Variants in GPALPP1 observed in about 807,000 individuals in gnomAD.
GPALPP1 encodes the protein GPALPP motifs-containing protein 1.
A neutral mutation model predicts 38.9 loss-of-function variants in GPALPP1; 30 were observed. The ratio of observed to expected loss-of-function variants is 0.77; its 90% CI spans 0.58 to 1.05. The LOEUF (loss-of-function observed/expected upper bound fraction) is 1.05, where lower values mean the gene tolerates loss of function less well. Ranked by LOEUF, GPALPP1 falls within the 50% of genes least tolerant of loss-of-function variation. The probability of loss-of-function intolerance (pLI) is 0.00; values close to 1 mark genes in which losing one functional copy is unlikely to be tolerated. For synonymous variants in GPALPP1, 120 were observed against 139.2 expected, an observed-to-expected ratio of 0.86 and a Z score of 0.97; for missense variants, 384 against 408.8, an observed-to-expected ratio of 0.94 and a Z score of 0.52.
chr13:45,016,229 G>A lies in GPALPP1; in HGVS notation c.705+633G>A, dbSNP rs138505788. 3.3e-4 allele frequency among the ~76,000 whole-genome samples: 50 copies of A among 152,180 alleles called. No individual in the cohort carries two copies. In the East Asian group the frequency reaches 7.2e-3, roughly 22 times the overall value. ...GCACTTTCCAAGGCCAAGGCAGGGC[G>A]GATCACCTGAAGTCAGGAGTTCGAG... On this transcript the variant is annotated intron_variant, in intron 6 of 7. Coordinates refer to ENST00000379151, the MANE Select transcript of GPALPP1 (RefSeq NM_018559.5).
At chr13:44,997,505 C>T (rs1032602450) in intron 1 of GPALPP1, among the ~76,000 whole-genome samples, 3 of 152,084 alleles carry the variant, frequency 2.0e-5, no homozygotes, top group Non-Finnish European at 4.4e-5. Flanking sequence ...CCTTCACCTC[C>T]ACTAATTTCA....
intron 7 of GPALPP1, among the ~76,000 whole-genome samples, chr13:45,026,075 T>C (rs576698692): frequency 6.6e-6 from 1 of 152,290 alleles, no homozygotes. Flanking sequence ...CAGCCTTGAT[T>C]ACCTATTTTT....
At chr13:45,006,428 G>A (rs1874108436) in intron 3 of GPALPP1, 125 bp downstream of exon 3, 2 of 529,310 alleles carry the variant, frequency 3.8e-6, no homozygotes, top group Non-Finnish European at 3.3e-6. Flanking sequence ...TTTTGAAATG[G>A]GTCATTCACC....
intron 7 of GPALPP1, among the ~76,000 whole-genome samples, chr13:45,024,514 G>T (rs1299902267): frequency 4.0e-5 from 6 of 151,692 alleles, no homozygotes; most frequent in Non-Finnish European, 7.4e-5. Flanking sequence ...AGCCAGGCTG[G>T]TCTTGAACTC....
chr13:45,019,042 TATATAA>T (rs1371216324), intron 6 of GPALPP1, among the ~76,000 whole-genome samples: 42 of 78,720 alleles, frequency 5.3e-4, no homozygotes, highest in Admixed American at 9.7e-4. Flanking sequence ...TACATAGAAA[TATATAA>T]ATATAAATAT....
In GPALPP1 at chr13:44,989,560, C is replaced by T. The variant is rs1872599455; in HGVS notation, c.-95C>T. 1.3e-6 allele frequency: 2 copies of T among 1,487,266 alleles called. No individual in the cohort carries two copies. Among genetic ancestry groups the T allele is most frequent in the African/African-American group, 1.4e-5 (1 of 72,098 alleles). The allele number at this position is 1,487,266 out of a possible 1,614,324, so 92.1% of individuals were successfully genotyped here. ...TACGTCATTTCTCGGCGCCGGGAAA[C>T]CTGCCATTCTTCGCTGCTGATCGCG... On this transcript the variant is annotated 5_prime_UTR_variant, in exon 1 of 8. Transcript: ENST00000379151.
chr13:45,007,879 TTTTTTA>T (rs1418056028), intron 3 of GPALPP1, among the ~76,000 whole-genome samples: 1 of 152,196 alleles, frequency 6.6e-6, no homozygotes, highest in Non-Finnish European at 1.5e-5. Flanking sequence ...CATTTTTTTA[TTTTTTA>T]TTTTTATCTT....
chr13:45,010,995 GAAAA>G lies in GPALPP1; in HGVS notation c.408+2122_408+2125del, dbSNP rs536975589. On this transcript the variant is annotated intron_variant, in intron 4 of 7. Transcript: ENST00000379151. Reference sequence around the variant, plus strand: ...GAGACCCTGTCTCAAAAAGAAAAAAGAAAAAAAAAGAAAAGGTCTTCTTATCTGA... The same window carrying G: ...GAGACCCTGTCTCAAAAAGAAAAAAGAAAAAGAAAAGGTCTTCTTATCTGA... 1.5e-4 allele frequency among the ~76,000 whole-genome samples: 23 copies of G among 149,712 alleles called. No homozygotes were observed. The East Asian group carries it at 2.5e-3, about 17-fold the overall frequency.
chr13:45,016,877 T>C (rs754822612), intron 6 of GPALPP1, among the ~76,000 whole-genome samples: 2 of 152,212 alleles, frequency 1.3e-5, no homozygotes, highest in Non-Finnish European at 2.9e-5. Flanking sequence ...ACTCCTGGGC[T>C]CAAGCAATCC....
chr13:44,993,952 T>C (rs919450605), intron 1 of GPALPP1, among the ~76,000 whole-genome samples: 1 of 151,760 alleles, frequency 6.6e-6, no homozygotes. Context: ...TTTAAGAAAC[T>C]TGGGTCAGGC....
chr13:45,028,565 A>C lies in GPALPP1; in HGVS notation c.*562A>C, dbSNP rs980684236. 2 of 152,988 alleles carry C rather than the reference A, an allele frequency of 1.3e-5. No individual in the cohort carries two copies. The highest frequency in any genetic ancestry group is 2.9e-5 in the Non-Finnish European group (2 of 68,800). 9.5% of individuals were successfully genotyped at this position (152,988 alleles called of 1,614,324 possible). ...GATCGCTTGAGCCCAGTAGTTTGAG[A>C]CCAGCCTGCTTAAGATGGTGAGACC... On this transcript the variant is annotated 3_prime_UTR_variant, in exon 8 of 8. Coordinates refer to ENST00000379151, the MANE Select transcript of GPALPP1 (RefSeq NM_018559.5).
At chr13:45,035,991 C>G (rs1425418277) in exon 8 of GPALPP1, 6 of 152,152 alleles carry the variant, frequency 3.9e-5, no homozygotes, top group African/African-American at 1.2e-4. Context: ...ATGGTGAAAC[C>G]CTGACTCTAA....
At chr13:45,003,705 G>C (rs1473333411) in intron 1 of GPALPP1, among the ~76,000 whole-genome samples, 1 of 152,136 alleles carries the variant, frequency 6.6e-6, no homozygotes, top group African/African-American at 2.4e-5. Flanking sequence ...GGACCTAGAA[G>C]ACCCTTACCA....
rs771742665 is a variant in GPALPP1 at position 45,015,426 on chromosome 13, T to C, written c.541-6T>C. 6.5e-7 allele frequency: 1 copy of C among 1,545,830 alleles called. No homozygotes were observed. The highest frequency in any genetic ancestry group is 2.1e-5 in the Admixed American group (1 of 46,552). ...TTCTATGCTGTGTTTTTTTTTTCTC[T>C]TAAAGGATTCATCTAAACCCATTGT... On this transcript the variant is annotated splice_region_variant and splice_polypyrimidine_tract_variant and intron_variant, in intron 5 of 7. Transcript: ENST00000379151.
chr13:45,032,858 G>A (rs1876268987), downstream of GPALPP1, among the ~76,000 whole-genome samples: 1 of 150,734 alleles, frequency 6.6e-6, no homozygotes, highest in Non-Finnish European at 1.5e-5. Flanking sequence ...GCAACATGGT[G>A]AAACCCTGTC....
At chr13:45,017,400 G>A (rs1874954940) in intron 6 of GPALPP1, among the ~76,000 whole-genome samples, 1 of 152,164 alleles carries the variant, frequency 6.6e-6, no homozygotes, top group Non-Finnish European at 1.5e-5. Flanking sequence ...GGCAGGAGAG[G>A]CAGCAAAGGA....
intron 6 of GPALPP1, among the ~76,000 whole-genome samples, chr13:45,018,710 C>T (rs1344429251): frequency 6.6e-6 from 1 of 151,638 alleles, no homozygotes; most frequent in Non-Finnish European, 1.5e-5. Context: ...TGCTTAGAGA[C>T]CAGTGGTTTT....
chr13:45,027,905 G>A lies in GPALPP1; in HGVS notation c.925G>A (p.Val309Ile), dbSNP rs770026778. The change falls in exon 8 of 8, where the codon GTT becomes ATT. Residue 309 changes from valine (V) to isoleucine (I), a missense_variant. Val to Ile is a conservative substitution (Grantham distance 29). Transcript: ENST00000379151. ...IPFDRDKDLK[V>I]NRFDEAQKKA... ...ATTTGACCGTGATAAAGATCTCAAG[G>A]TTAATCGGTTTGATGAAGCTCAGAA... 3.1e-6 allele frequency: 5 copies of A among 1,609,908 alleles called. No homozygotes were observed. The highest frequency in any genetic ancestry group is 4.3e-6 in the Non-Finnish European group (5 of 1,176,410).
At chr13:45,031,551 T>C (rs1876197145), downstream of GPALPP1, 1 of 152,230 alleles carries the variant, frequency 6.6e-6, no homozygotes, top group South Asian at 2.1e-4. Context: ...GACCATGACC[T>C]TGGCATGAAG....
Sources: gnomAD v4.1 joint callset for allele counts (sites outside exome capture counted in the v4.1 genomes callset) on GRCh38, gnomAD v4.1.1 for gene constraint, MANE v1.5 for transcripts, NCBI Gene and HGNC (gene_info 2026-07-23, HGNC 2026-07-21) for gene names.